The following PLCZ1 variants were observed in gnomAD, a reference collection of about 807,000 sequenced individuals.
The protein encoded by PLCZ1 is 1-phosphatidylinositol 4,5-bisphosphate phosphodiesterase zeta-1.
In PLCZ1, 64 loss-of-function variants were observed where a neutral mutation model predicts 76.8. The observed-to-expected ratio is 0.83, with a 90% CI of 0.68 to 1.03. The LOEUF (loss-of-function observed/expected upper bound fraction) is 1.03. Ranked by LOEUF, PLCZ1 falls within the 50% of genes least tolerant of loss-of-function variation. PLCZ1 has a pLI of 0.00. For missense variants in PLCZ1, 751 were observed against 713.7 expected (o/e 1.05, Z -0.60); for synonymous variants, 248 against 230.8 (o/e 1.07, Z -0.68).
At chr12:18,718,819 C>T (rs866328623) in intron 5 of PLCZ1, among the ~76,000 whole-genome samples, 4 of 152,266 alleles carry the variant, frequency 2.6e-5, no homozygotes, top group African/African-American at 7.2e-5. Context: ...AATGTAGCAG[C>T]TTTGAAAATC....
chr12:18,686,619 C>T (rs1458641613), intron 13 of PLCZ1, among the ~76,000 whole-genome samples: 2 of 152,038 alleles, frequency 1.3e-5, no homozygotes, highest in Non-Finnish European at 2.9e-5. Flanking sequence ...AAATTCTACT[C>T]ATTCTCCAAG....
At chr12:18,704,165 C>G (rs575248687) in intron 7 of PLCZ1, among the ~76,000 whole-genome samples, 1 of 151,904 alleles carries the variant, frequency 6.6e-6, no homozygotes, top group African/African-American at 2.4e-5. Context: ...GAGAGGACAA[C>G]CAGATGAAGA....
At chr12:18,681,750 A>T (rs984240476), downstream of PLCZ1, among the ~76,000 whole-genome samples, 3 of 152,070 alleles carry the variant, frequency 2.0e-5, no homozygotes, top group African/African-American at 7.2e-5. Flanking sequence ...AAAATTAGTG[A>T]GATAAGTTTG....
At chr12:18,729,867 G>A (rs1027806630) in intron 3 of PLCZ1, among the ~76,000 whole-genome samples, 4 of 151,974 alleles carry the variant, frequency 2.6e-5, no homozygotes, top group Non-Finnish European at 4.4e-5. Context: ...ATAATAAAAT[G>A]TCACCTTGTA....
chr12:18,728,099 T>G (rs1175577512), intron 3 of PLCZ1, among the ~76,000 whole-genome samples: 1 of 152,138 alleles, frequency 6.6e-6, no homozygotes, highest in Non-Finnish European at 1.5e-5. Context: ...CATATTAAAT[T>G]TGAAGTACAT....
chr12:18,704,719 T>C (rs1956383198), intron 7 of PLCZ1, among the ~76,000 whole-genome samples: 1 of 152,144 alleles, frequency 6.6e-6, no homozygotes, highest in African/African-American at 2.4e-5. Flanking sequence ...TACTTCAGTA[T>C]GCTCAAATTA....
intron 3 of PLCZ1, among the ~76,000 whole-genome samples, chr12:18,735,455 G>C (rs183485608): frequency 6.6e-5 from 10 of 152,176 alleles, no homozygotes; most frequent in Middle Eastern, 3.4e-3. Context: ...ACCCAGGCTG[G>C]TCTCAAACTC....
At chr12:18,652,884 C>A in the PLCZ1 span, among the ~76,000 whole-genome samples, 3 of 151,842 alleles carry the variant, frequency 2.0e-5, no homozygotes, top group African/African-American at 7.3e-5. Flanking sequence ...TTACATTGAA[C>A]ATATACATAT....
intron 6 of PLCZ1, among the ~76,000 whole-genome samples, chr12:18,707,180 A>G (rs1179216685): frequency 6.6e-6 from 1 of 152,160 alleles, no homozygotes; most frequent in Non-Finnish European, 1.5e-5. Flanking sequence ...ATCTACAAAG[A>G]CACTTTTTCC....
At chr12:18,736,458 A>G in intron 2 of PLCZ1, 114 bp from the exon 3 acceptor site, 1 of 1,238,648 alleles carries the variant, frequency 8.1e-7, no homozygotes, top group Non-Finnish European at 1.1e-6. Context: ...ATATGTTTAA[A>G]GTAAATTATA....
chr12:18,675,439 AC>A, the PLCZ1 span, among the ~76,000 whole-genome samples: 1 of 152,126 alleles, frequency 6.6e-6, no homozygotes, highest in Non-Finnish European at 1.5e-5. Context: ...AATTAGTACA[AC>A]CTCTGTGGAA....
chr12:18,705,486 T>C (rs1446651643), intron 6 of PLCZ1, among the ~76,000 whole-genome samples, 171 bp from the exon 7 acceptor site: 2 of 152,162 alleles, frequency 1.3e-5, no homozygotes, highest in Non-Finnish European at 2.9e-5. Flanking sequence ...ACAGAGACCA[T>C]TAAATCTGCA....
the PLCZ1 span, among the ~76,000 whole-genome samples, chr12:18,677,920 C>G: frequency 1.3e-5 from 2 of 151,852 alleles, no homozygotes; most frequent in Non-Finnish European, 2.9e-5. Context: ...TTCATGTGTG[C>G]TTGTGTATGT....
At chr12:18,684,792 G>C (rs1952841821) in intron 13 of PLCZ1, among the ~76,000 whole-genome samples, 1 of 151,972 alleles carries the variant, frequency 6.6e-6, no homozygotes, top group African/African-American at 2.4e-5. Flanking sequence ...ATCTCATCTT[G>C]AATTGTAATC....
At chr12:18,707,987 TCA>T (rs931387834) in intron 6 of PLCZ1, among the ~76,000 whole-genome samples, 15 of 152,316 alleles carry the variant, frequency 9.8e-5, no homozygotes, top group Admixed American at 5.2e-4. Flanking sequence ...ATCCATCATT[TCA>T]CAGTTACCCT....
chr12:18,711,529 T>TATAATAACAATA (rs1555189033), intron 6 of PLCZ1, among the ~76,000 whole-genome samples: 4 of 142,462 alleles, frequency 2.8e-5, no homozygotes, highest in African/African-American at 1.1e-4. Context: ...AAACTTAAAG[T>TATAATAACAATA]ATAATAATAA....
the PLCZ1 span, among the ~76,000 whole-genome samples, chr12:18,655,883 G>A: frequency 6.6e-6 from 1 of 152,144 alleles, no homozygotes; most frequent in Admixed American, 6.6e-5. Context: ...GCCAAGAGGA[G>A]CTTCAGGAGA....
At chr12:18,693,550 G>C in intron 12 of PLCZ1, 1 of 1,608,504 alleles carries the variant, frequency 6.2e-7, no homozygotes, top group Non-Finnish European at 8.5e-7. Context: ...TTATTCAGAA[G>C]TACCTAGGTG....
At chr12:18,650,611 C>T in the PLCZ1 span, among the ~76,000 whole-genome samples, 24,531 of 143,450 alleles carry the variant, frequency 0.17, 2,708 homozygotes, top group African/African-American at 0.29. Flanking sequence ...AGAGCTGATA[C>T]GGGCTCACTT....
Sources: gnomAD v4.1 joint callset for allele counts (sites outside exome capture counted in the v4.1 genomes callset) on GRCh38, gnomAD v4.1.1 for gene constraint, MANE v1.5 for transcripts, NCBI Gene and HGNC (gene_info 2026-07-23, HGNC 2026-07-21) for gene names.